Variants in C2orf92 observed in about 807,000 individuals in gnomAD.
The protein encoded by C2orf92 is uncharacterized protein C2orf92.
At chr2:97,689,277 C>T (rs1158528371) in intron 4 of C2orf92, among the ~76,000 whole-genome samples, 1 of 152,186 alleles carries the variant, frequency 6.6e-6, no homozygotes, top group Non-Finnish European at 1.5e-5. Context: ...GGACAGAAAC[C>T]TGATCTGCAA....
At chr2:97,682,191 G>C (rs1250971304) in intron 3 of C2orf92, among the ~76,000 whole-genome samples, 2 of 152,184 alleles carry the variant, frequency 1.3e-5, no homozygotes, top group African/African-American at 4.8e-5. Context: ...ACATTTGTAT[G>C]CTCACAAATT....
chr2:97,700,933 G>A (rs1171193876), intron 6 of C2orf92, among the ~76,000 whole-genome samples: 4 of 151,724 alleles, frequency 2.6e-5, no homozygotes, highest in African/African-American at 4.8e-5. Flanking sequence ...GGGTTTCACC[G>A]TCTTAGCCAG....
Position 97,702,993 on chromosome 2 carries a change from G to A in C2orf92, c.*192G>A, listed in dbSNP as rs890047444. On this transcript the variant is annotated 3_prime_UTR_variant, in exon 8 of 8. Coordinates refer to ENST00000627399, the MANE Select transcript of C2orf92 (RefSeq NM_001351368.2). The stretch of plus-strand genomic sequence containing the variant: ...AGGACACTTGTGGCAATATGGCACC[G>A]ATGGCTGGCGTCGGTGAACCCGACA... 4 of 390,542 alleles carry A rather than the reference G, an allele frequency of 1.0e-5. No individual in the cohort carries two copies. Among genetic ancestry groups the A allele is most frequent in the African/African-American group, 4.1e-5 (2 of 48,496 alleles). 24.2% of individuals were successfully genotyped at this position (390,542 alleles called of 1,614,324 possible).
At chr2:97,665,681 A>C (rs1675184777), upstream of C2orf92, 1 of 146,562 alleles carries the variant, frequency 6.8e-6, no homozygotes. Context: ...GCATAAATAC[A>C]TCAAAGCATG....
chr2:97,664,021 T>A (rs1034306851), upstream of C2orf92: 8 of 424,202 alleles, frequency 1.9e-5, no homozygotes, highest in Admixed American at 5.2e-5. Flanking sequence ...GCCTGCAGCC[T>A]ACGCGAGCCC....
exon 1 of C2orf92, chr2:97,664,271 T>A (rs1675129207): frequency 6.5e-6 from 1 of 153,574 alleles, no homozygotes; most frequent in South Asian, 2.1e-4. Context: ...GGAGCTGGGC[T>A]GGTGTGCGCG....
At chr2:97,681,106 C>CAAAAAAAAAAAAAA (rs58856044) in intron 3 of C2orf92, among the ~76,000 whole-genome samples, 1 of 11,968 alleles carries the variant, frequency 8.4e-5, no homozygotes, top group African/African-American at 1.7e-4. Flanking sequence ...GACTCCATCT[C>CAAAAAAAAAAAAAA]AAAAAAAAAA....
intron 3 of C2orf92, 39 bp from the exon 4 acceptor site, chr2:97,688,856 C>T (rs1016450846): frequency 7.5e-6 from 3 of 398,508 alleles, no homozygotes; most frequent in Admixed American, 8.8e-5. Context: ...ATCAATCCTG[C>T]GTTGCTGTAT....
chr2:97,685,811 C>G (rs377302791), intron 3 of C2orf92, among the ~76,000 whole-genome samples: 1 of 152,194 alleles, frequency 6.6e-6, no homozygotes, highest in African/African-American at 2.4e-5. Flanking sequence ...GATCTGCCCT[C>G]CTCGGCCTCC....
At chr2:97,666,237 A>G (rs1675226726), upstream of C2orf92, among the ~76,000 whole-genome samples, 1 of 148,976 alleles carries the variant, frequency 6.7e-6, no homozygotes, top group Non-Finnish European at 1.5e-5. Flanking sequence ...GTGCCTTGCT[A>G]GTTTTAAGAT....
intron 2 of C2orf92, chr2:97,675,586 A>G: frequency 5.6e-6 from 2 of 356,554 alleles, no homozygotes; most frequent in Non-Finnish European, 5.0e-6. Flanking sequence ...TAAACCTGCC[A>G]TGTGCACAAA....
At chr2:97,702,621 C>G in intron 7 of C2orf92, 48 bp from the exon 8 acceptor site, 1 of 398,832 alleles carries the variant, frequency 2.5e-6, no homozygotes, top group South Asian at 1.3e-4. Context: ...GACAGCAGGA[C>G]TCCTGTGCGC....
chr2:97,681,046 G>C (rs1675754433), intron 3 of C2orf92, among the ~76,000 whole-genome samples: 1 of 145,338 alleles, frequency 6.9e-6, no homozygotes, highest in South Asian at 2.2e-4. Context: ...GGCAGAGGTT[G>C]CAGTGAGCCG....
chr2:97,671,092 C>A, intron 1 of C2orf92: 1 of 154,808 alleles, frequency 6.5e-6, no homozygotes. Flanking sequence ...GCTGGGATTA[C>A]AGGCGTGTGC....
At chr2:97,689,441 G>A (rs1196160115) in intron 4 of C2orf92, among the ~76,000 whole-genome samples, 4 of 152,180 alleles carry the variant, frequency 2.6e-5, no homozygotes, top group Non-Finnish European at 5.9e-5. Flanking sequence ...ACCAAAAAAT[G>A]ACTTACCTTA....
upstream of C2orf92, chr2:97,663,948 G>C (rs1573188310): frequency 2.0e-6 from 2 of 996,198 alleles, no homozygotes; most frequent in African/African-American, 1.7e-5. Flanking sequence ...CGGATGGGCG[G>C]GCGGGCGGGA....
chr2:97,696,696 A>G (rs1421329251), intron 5 of C2orf92, among the ~76,000 whole-genome samples: 1 of 152,226 alleles, frequency 6.6e-6, no homozygotes, highest in East Asian at 1.9e-4. Flanking sequence ...AGATGGGGCC[A>G]CTACACTCCA....
At chr2:97,666,938 C>T (rs918544041), upstream of C2orf92, 7 of 152,230 alleles carry the variant, frequency 4.6e-5, no homozygotes, top group East Asian at 3.9e-4. Context: ...ACAGCCCCCC[C>T]GTCAGCTCCT....
chr2:97,685,269 CT>C (rs200476324), intron 3 of C2orf92, among the ~76,000 whole-genome samples: 5,760 of 129,654 alleles, frequency 0.044, 299 homozygotes, highest in African/African-American at 0.14. Context: ...TTCTTTCTTT[CT>C]TTTTTTTTTT....
Sources: allele counts gnomAD v4.1 joint callset (sites outside exome capture counted in the v4.1 genomes callset), GRCh38; gene constraint gnomAD v4.1.1; transcripts MANE v1.5; gene names NCBI Gene and HGNC (gene_info 2026-07-23, HGNC 2026-07-21).